Variants in SLC27A6 observed in about 807,000 individuals in gnomAD.
SLC27A6 encodes the protein solute carrier family 27 member 6, also known as long-chain fatty acid transport protein 6.
In SLC27A6, 74 loss-of-function variants were observed where a neutral mutation model predicts 63.9. The observed-to-expected ratio is 1.16, with a 90% CI of 0.96 to 1.40. The LOEUF is 1.40. Among genes scored for constraint, SLC27A6 ranks in the 40% most tolerant of loss-of-function variants. SLC27A6 has a pLI of 0.00. For synonymous variants in SLC27A6, 287 were observed against 260.8 expected (o/e 1.10, Z -0.97); for missense variants, 794 against 732.9 (o/e 1.08, Z -0.96).
At chr5:129,004,394 G>A (rs1751448564) in intron 4 of SLC27A6, among the ~76,000 whole-genome samples, 1 of 151,918 alleles carries the variant, frequency 6.6e-6, no homozygotes, top group Non-Finnish European at 1.5e-5. Context: ...AGTCTCTCTT[G>A]CTTTCTTTCT....
chr5:128,989,707 G>C (rs1170181599), intron 3 of SLC27A6, among the ~76,000 whole-genome samples: 1 of 151,958 alleles, frequency 6.6e-6, no homozygotes, highest in Admixed American at 6.6e-5. Context: ...GGTGGATCAC[G>C]AGGTCAGGAG....
At chr5:128,970,575 G>A (rs1026807798) in intron 1 of SLC27A6, among the ~76,000 whole-genome samples, 3 of 152,030 alleles carry the variant, frequency 2.0e-5, no homozygotes, top group Admixed American at 6.6e-5. Flanking sequence ...TCTGATGGTC[G>A]TTTGCATTTC....
chr5:128,971,819 T>G (rs1750176851), intron 1 of SLC27A6, among the ~76,000 whole-genome samples: 1 of 152,188 alleles, frequency 6.6e-6, no homozygotes, highest in South Asian at 2.1e-4. Context: ...TTTTAGCTGG[T>G]TATTTTGCTC....
rs1195794733 is a variant in SLC27A6, at chr5:128,983,289, GTTTTTTT to G, written c.482-1830_482-1824del. Reference sequence around the variant, plus strand: ...ACAGAACTTGAGCATTCTGATCCGGGTTTTTTTTTTTTTTTTTTTTGAGACAGAGTTT... The same window carrying G: ...ACAGAACTTGAGCATTCTGATCCGGGTTTTTTTTTTTTTGAGACAGAGTTT... On this transcript the variant is annotated intron_variant, in intron 1 of 9. Coordinates refer to ENST00000262462, the MANE Select transcript of SLC27A6 (RefSeq NM_001017372.3). Among the ~76,000 whole-genome samples the G allele has an allele frequency of 2.7e-5, 3 of 111,108 alleles. 1 individual carries two copies. The allele number at this position is 111,108 out of a possible 152,430, so 72.9% of individuals were successfully genotyped here.
rs148377665 is a variant in SLC27A6, at chr5:128,972,038, A to T, written c.481+5420A>T. Among the ~76,000 whole-genome samples the T allele has an allele frequency of 6.5e-3, 992 of 152,218 alleles. 12 individuals are homozygous for T. Among genetic ancestry groups the T allele is most frequent in the African/African-American group, 0.023 (936 of 41,506 alleles). On this transcript the variant is annotated intron_variant, in intron 1 of 9. Coordinates refer to ENST00000262462, the MANE Select transcript of SLC27A6 (RefSeq NM_001017372.3). ...CACTTATGAAGCTTAGTTTGGCTGG[A>T]TATGAAATTCTGGGTTGAAAATTGT...
At chr5:128,983,999 T>C (rs1320151615) in intron 1 of SLC27A6, among the ~76,000 whole-genome samples, 1 of 152,168 alleles carries the variant, frequency 6.6e-6, no homozygotes, top group East Asian at 1.9e-4. Flanking sequence ...ATATAGATTT[T>C]AAGATAACCT....
At chr5:129,029,745 C>G in intron 9 of SLC27A6, 38 bp downstream of exon 9, 1 of 1,546,926 alleles carries the variant, frequency 6.5e-7, no homozygotes, top group South Asian at 1.2e-5. Flanking sequence ...AAATATAAGA[C>G]AGTAAACAAG....
At chr5:128,993,508 C>G (rs1751046268) in intron 4 of SLC27A6, among the ~76,000 whole-genome samples, 1 of 152,104 alleles carries the variant, frequency 6.6e-6, no homozygotes, top group African/African-American at 2.4e-5. Flanking sequence ...CAAGGTGGGA[C>G]AGTTTTCCAG....
chr5:129,016,416 A>AAAAAAAAAAG (rs1455797246), intron 5 of SLC27A6, among the ~76,000 whole-genome samples: 1 of 150,550 alleles, frequency 6.6e-6, no homozygotes, highest in African/African-American at 2.4e-5. Flanking sequence ...AAAAAAAAAA[A>AAAAAAAAAAG]AAGGAGCACC....
intron 4 of SLC27A6, among the ~76,000 whole-genome samples, chr5:128,992,124 TGGGGTGGG>T: frequency 2.1e-5 from 3 of 140,934 alleles, no homozygotes; most frequent in African/African-American, 8.9e-5. Flanking sequence ...TTGCCCTACG[TGGGGTGGG>T]GCAACAGAAC....
chr5:128,974,466 A>AT (rs1750305682), intron 1 of SLC27A6, among the ~76,000 whole-genome samples: 1 of 152,206 alleles, frequency 6.6e-6, no homozygotes, highest in African/African-American at 2.4e-5. Context: ...TGATTAACAG[A>AT]TTTTGTAATA....
intron 1 of SLC27A6, among the ~76,000 whole-genome samples, chr5:128,969,387 T>A (rs1197873865): frequency 6.6e-6 from 1 of 152,362 alleles, no homozygotes; most frequent in Non-Finnish European, 1.5e-5. Flanking sequence ...TGATTCTTCC[T>A]ATCCATGGGC....
At chr5:128,975,766 A>G (rs764107376) in intron 1 of SLC27A6, among the ~76,000 whole-genome samples, 29 of 152,146 alleles carry the variant, frequency 1.9e-4, no homozygotes, top group Non-Finnish European at 3.8e-4. Context: ...CCCCTTCTGT[A>G]AGGAGGCATA....
chr5:129,023,607 T>A lies in SLC27A6; in HGVS notation c.1165-13T>A. 1 of 1,577,320 alleles carries A rather than the reference T, an allele frequency of 6.3e-7. No individual in the cohort carries two copies. Among genetic ancestry groups the A allele is most frequent in the Non-Finnish European group, 8.6e-7 (1 of 1,163,864 alleles). On this transcript the variant is annotated splice_polypyrimidine_tract_variant and intron_variant, in intron 5 of 9. Coordinates refer to ENST00000262462, the MANE Select transcript of SLC27A6 (RefSeq NM_001017372.3). ...AATGCTTGTTTCTATTTGTTTGATTTTTTTTTTTGCAGCTTCTTTCCACTT... is the reference window on the plus strand; with the variant it reads ...AATGCTTGTTTCTATTTGTTTGATTATTTTTTTTGCAGCTTCTTTCCACTT...
At position 129,027,255 on chromosome 5, in the gene SLC27A6, C is replaced by G. The variant is rs1392684675; in HGVS notation, c.1378C>G (p.Leu460Val). Residue 460 changes from leucine to valine, a missense_variant, in exon 7 of 10, where the codon CTT (leucine) becomes GTT (valine). Physicochemically the swap from Leu to Val is conservative, Grantham distance 32. Transcript: ENST00000262462. Reference protein sequence around the residue: ...CDVFKKGDVYLNTGDLIVQDQ... With the variant: ...CDVFKKGDVYVNTGDLIVQDQ... ...TGTTTTTAAGAAGGGAGATGTTTAC[C>G]TTAATACTGGAGACTTAATAGTCCA... is the stretch of plus-strand genomic sequence containing the variant. The G allele has an allele frequency of 1.9e-6, 3 of 1,613,162 alleles. No homozygotes were observed. The Admixed American group carries it at 5.0e-5, about 27-fold the overall frequency.
intron 8 of SLC27A6, 32 bp from the exon 9 acceptor site, chr5:129,029,545 T>C (rs2289214): frequency 0.022 from 33,205 of 1,485,108 alleles, 971 homozygotes; most frequent in African/African-American, 0.14. Flanking sequence ...ATTTGGTACT[T>C]AAAAATGACT....
chr5:129,019,980 A>G (rs1181706741), intron 5 of SLC27A6, among the ~76,000 whole-genome samples: 1 of 152,116 alleles, frequency 6.6e-6, no homozygotes, highest in Non-Finnish European at 1.5e-5. Flanking sequence ...AGTACACTAT[A>G]TGGGGTAGAA....
rs1482253327 is a variant in SLC27A6, at chr5:128,966,276, T to A, written c.139T>A (p.Tyr47Asn). 1 of 1,613,778 alleles carries A rather than the reference T, an allele frequency of 6.2e-7. No individual in the cohort carries two copies. Among genetic ancestry groups the A allele is most frequent in the East Asian group, 2.2e-5 (1 of 44,892 alleles). Reference sequence around the variant, plus strand: ...GCTCATTATAATTCGGCTGAAGAAGTATGAAAAGAGAGGGGAGCTGGTGAC... The same window carrying A: ...GCTCATTATAATTCGGCTGAAGAAGAATGAAAAGAGAGGGGAGCTGGTGAC... The part of the protein sequence containing the change: ...VVLIIIRLKK[Y>N]EKRGELVTVL... Residue 47 changes from tyrosine to asparagine, a missense_variant, in exon 1 of 10, where the codon TAT (tyrosine) becomes AAT (asparagine). By Grantham distance (143) the Tyr-to-Asn change is moderately radical. Coordinates refer to ENST00000262462, the MANE Select transcript of SLC27A6 (RefSeq NM_001017372.3).
intron 4 of SLC27A6, among the ~76,000 whole-genome samples, chr5:129,010,786 C>G (rs1016078815): frequency 1.3e-5 from 2 of 152,020 alleles, no homozygotes; most frequent in African/African-American, 4.8e-5. Flanking sequence ...CTGTCAAGAA[C>G]CTGCATGAGC....
Sources: allele counts gnomAD v4.1 joint callset (sites outside exome capture counted in the v4.1 genomes callset), GRCh38; gene constraint gnomAD v4.1.1; transcripts MANE v1.5; gene names NCBI Gene and HGNC (gene_info 2026-07-23, HGNC 2026-07-21).